Variants in IKBKB-DT observed in about 807,000 individuals in gnomAD.
The protein encoded by IKBKB-DT is IKBKB divergent transcript.
At chr8:42,251,060 C>T (rs550835005) in intron 3 of IKBKB-DT, among the ~76,000 whole-genome samples, 2,415 of 118,644 alleles carry the variant, frequency 0.02, 55 homozygotes, top group African/African-American at 0.12. Flanking sequence ...GCCTGGCCAA[C>T]GAGACCAGCC....
intron 2 of IKBKB-DT, among the ~76,000 whole-genome samples, chr8:42,265,435 G>A (rs1417437120): frequency 6.6e-6 from 1 of 152,194 alleles, no homozygotes; most frequent in Non-Finnish European, 1.5e-5. Context: ...ATAGTCACCA[G>A]CAGACTCCTG....
chr8:42,252,121 T>TGCAGTAAAAGAGCAGGTGACATGGCACTG (rs1332502356), intron 3 of IKBKB-DT, among the ~76,000 whole-genome samples: 2 of 152,218 alleles, frequency 1.3e-5, no homozygotes, highest in East Asian at 3.8e-4. Context: ...TCCCCACATA[T>TGCAGTAAAAGAGCAGGTGACATGGCACTG]GCAGTAAAAG....
chr8:42,267,309 A>C (rs1369139976), intron 1 of IKBKB-DT, among the ~76,000 whole-genome samples: 1 of 151,862 alleles, frequency 6.6e-6, no homozygotes, highest in Non-Finnish European at 1.5e-5. Flanking sequence ...CTACTTTCTT[A>C]ATAAACTTGC....
At chr8:42,246,389 G>A (rs537872794) in intron 3 of IKBKB-DT, among the ~76,000 whole-genome samples, 5 of 152,300 alleles carry the variant, frequency 3.3e-5, no homozygotes, top group African/African-American at 9.6e-5. Flanking sequence ...TTATCTCTGT[G>A]AGTGACTTTG....
At chr8:42,239,614 T>TTATATATATATATATATATATA (rs113469700) in intron 3 of IKBKB-DT, among the ~76,000 whole-genome samples, 632 of 19,784 alleles carry the variant, frequency 0.032, 107 homozygotes, top group East Asian at 0.063. Context: ...AAAAGGCAAT[T>TTATATATATATATATATATATA]TATATATATA....
chr8:42,251,747 C>T (rs951115047), intron 3 of IKBKB-DT, among the ~76,000 whole-genome samples: 3 of 150,582 alleles, frequency 2.0e-5, no homozygotes, highest in Non-Finnish European at 4.4e-5. Context: ...AGGAGAATCA[C>T]TTGAACCTGG....
intron 3 of IKBKB-DT, among the ~76,000 whole-genome samples, chr8:42,240,390 C>T (rs191224814): frequency 4.6e-4 from 70 of 151,486 alleles, no homozygotes; most frequent in Middle Eastern, 3.4e-3. Flanking sequence ...TTTGGGAGGC[C>T]GAGGCGGGCA....
chr8:42,237,756 A>G (rs1048736792), intron 3 of IKBKB-DT, among the ~76,000 whole-genome samples: 3 of 151,922 alleles, frequency 2.0e-5, no homozygotes, highest in African/African-American at 7.3e-5. Context: ...CAGGTGCAGT[A>G]GCTCACACCT....
At chr8:42,269,630 AAG>A (rs951384126) in intron 1 of IKBKB-DT, among the ~76,000 whole-genome samples, 3 of 149,406 alleles carry the variant, frequency 2.0e-5, no homozygotes, top group East Asian at 2.0e-4. Context: ...AAGGAAGGAA[AAG>A]AGAGAGAGAG....
chr8:42,241,272 G>C (rs1375075119), intron 3 of IKBKB-DT, among the ~76,000 whole-genome samples: 1 of 64,438 alleles, frequency 1.6e-5, no homozygotes, highest in East Asian at 6.9e-4. Context: ...TTTTTGCCTA[G>C]GAAGGGCCAG....
At chr8:42,251,041 TCGAGACCAGCCTGGCCAA>T (rs35155542) in intron 3 of IKBKB-DT, among the ~76,000 whole-genome samples, 20,593 of 152,002 alleles carry the variant, frequency 0.14, 3,046 homozygotes, top group African/African-American at 0.37. Flanking sequence ...GGTCAGGAGC[TCGAGACCAGCCTGGCCAA>T]CGAGACCAGC....
rs1243326846 is a variant in IKBKB-DT at position 42,247,315 on chromosome 8, C to A, written n.1530-13456G>T. ...AATGACTGCCCTGCTGGATTTCGGA[C>A]TTGCATAGGACCAGTGGCCCCTTGG... On this transcript the variant is annotated intron_variant and non_coding_transcript_variant, in intron 3 of 3. Coordinates refer to ENST00000518213, the Ensembl canonical transcript of IKBKB-DT. Among the ~76,000 whole-genome samples the A allele has an allele frequency of 2.0e-5, 3 of 152,188 alleles. No individual in the cohort carries two copies. The South Asian group carries it at 6.2e-4, about 31-fold the overall frequency.
At chr8:42,254,886 G>A (rs1225397324) in intron 3 of IKBKB-DT, among the ~76,000 whole-genome samples, 2 of 145,082 alleles carry the variant, frequency 1.4e-5, no homozygotes, top group Admixed American at 6.9e-5. Context: ...CTGTCCGGCT[G>A]CCCACTGTCT....
At chr8:42,252,302 A>G (rs1346256263) in intron 3 of IKBKB-DT, among the ~76,000 whole-genome samples, 2 of 152,180 alleles carry the variant, frequency 1.3e-5, no homozygotes, top group African/African-American at 2.4e-5. Context: ...AACCCCATGC[A>G]TTCCACCACA....
intron 3 of IKBKB-DT, among the ~76,000 whole-genome samples, chr8:42,245,879 G>A (rs1209880185): frequency 2.0e-5 from 3 of 152,130 alleles, no homozygotes; most frequent in East Asian, 1.9e-4. Flanking sequence ...GCAGATACAC[G>A]TAAAAGGATG....
At chr8:42,248,831 C>T (rs2979881) in intron 3 of IKBKB-DT, among the ~76,000 whole-genome samples, 4 of 147,856 alleles carry the variant, frequency 2.7e-5, no homozygotes, top group Admixed American at 6.8e-5. Flanking sequence ...GAGCTGAGAT[C>T]GTGCCCCTGT....
chr8:42,234,277 C>G (rs1296450381), intron 3 of IKBKB-DT, among the ~76,000 whole-genome samples: 2 of 152,168 alleles, frequency 1.3e-5, no homozygotes, highest in African/African-American at 4.8e-5. Context: ...TGATGTTCGC[C>G]TGACTTTCCT....
At chr8:42,251,808 A>G (rs57376276) in intron 3 of IKBKB-DT, among the ~76,000 whole-genome samples, 3,770 of 148,726 alleles carry the variant, frequency 0.025, 148 homozygotes, top group African/African-American at 0.085. Flanking sequence ...CAGCCTAGGC[A>G]ATAGAGCAAG....
intron 3 of IKBKB-DT, among the ~76,000 whole-genome samples, chr8:42,247,824 G>A (rs1035854305): frequency 6.6e-5 from 10 of 152,182 alleles, no homozygotes; most frequent in Admixed American, 4.6e-4. Context: ...GCTGGGTGCA[G>A]TGGCTCACAC....
Sources: allele counts gnomAD v4.1 joint callset (sites outside exome capture counted in the v4.1 genomes callset), GRCh38; gene constraint gnomAD v4.1.1; transcripts MANE v1.5; gene names NCBI Gene and HGNC (gene_info 2026-07-23, HGNC 2026-07-21).